The following AUTS2 variants were observed in gnomAD, a reference collection of about 807,000 sequenced individuals.
The protein encoded by AUTS2 is activator of transcription and developmental regulator AUTS2.
Under a neutral mutation model 112.4 loss-of-function variants are expected in AUTS2, and 17 were observed. That is an observed-to-expected ratio of 0.15 (90% confidence interval 0.10 to 0.23). The LOEUF (loss-of-function observed/expected upper bound fraction) is 0.23, where lower values mean the gene tolerates loss of function less well. AUTS2 is among the 10% of genes least tolerant of loss of function. The pLI, the probability that AUTS2 is intolerant of heterozygous loss-of-function variation, is 1.00. For missense variants in AUTS2, 1,510 were observed against 1,701.6 expected, an observed-to-expected ratio of 0.89 and a Z score of 1.98; for synonymous variants, 751 against 702.7, an observed-to-expected ratio of 1.07 and a Z score of -1.09.
intron 5 of AUTS2, among the ~76,000 whole-genome samples, chr7:70,496,690 CCACGT>C (rs1798537636): frequency 1.4e-5 from 2 of 143,084 alleles, no homozygotes; most frequent in African/African-American, 2.6e-5. Context: ...CCCACTCACA[CCACGT>C]ACACAGTCAC....
chr7:70,787,090 C>T (rs1485281244), intron 17 of AUTS2, 119 bp from the exon 18 acceptor site: 4 of 915,538 alleles, frequency 4.4e-6, no homozygotes, highest in East Asian at 2.6e-5. Flanking sequence ...TTCCAGCTCC[C>T]AATAATATGT....
chr7:70,585,984 C>T (rs1802670811), intron 5 of AUTS2, among the ~76,000 whole-genome samples: 1 of 151,930 alleles, frequency 6.6e-6, no homozygotes, highest in African/African-American at 2.4e-5. Flanking sequence ...TGCCTCAGCC[C>T]CCTAAGTAGC....
chr7:70,052,205 A>T (rs1425851127), intron 2 of AUTS2, among the ~76,000 whole-genome samples: 1 of 152,200 alleles, frequency 6.6e-6, no homozygotes, highest in Non-Finnish European at 1.5e-5. Flanking sequence ...AAATCCTAGA[A>T]ATCATTGCCT....
At chr7:69,761,198 C>CG (rs1195510957) in intron 1 of AUTS2, among the ~76,000 whole-genome samples, 1 of 152,176 alleles carries the variant, frequency 6.6e-6, no homozygotes, top group Non-Finnish European at 1.5e-5. Context: ...CTGCCCCGCT[C>CG]TAATAGAGAC....
chr7:69,849,418 G>GTGTAC (rs1792359006), intron 1 of AUTS2, among the ~76,000 whole-genome samples: 1 of 152,070 alleles, frequency 6.6e-6, no homozygotes, highest in African/African-American at 2.4e-5. Context: ...TCTTTGACAT[G>GTGTAC]TGTACATTAT....
At chr7:70,070,469 C>G (rs1802706238) in intron 2 of AUTS2, among the ~76,000 whole-genome samples, 1 of 151,358 alleles carries the variant, frequency 6.6e-6, no homozygotes, top group Non-Finnish European at 1.5e-5. Flanking sequence ...ATTCCAGCTG[C>G]TCTGGAGGCT....
chr7:70,488,648 GGCCAGCCTGAATTGA>G lies in AUTS2; in HGVS notation c.690+52871_690+52885del, dbSNP rs1798114065. The stretch of plus-strand genomic sequence containing the variant: ...TCTCTGGATCTCACTTTTCCTCATG[GGCCAGCCTGAATTGA>G]GCCTCAGGATCGTCCTAGCTCTCAG... On this transcript the variant is annotated intron_variant, in intron 5 of 18. Coordinates refer to ENST00000342771, the MANE Select transcript of AUTS2 (RefSeq NM_015570.4). 8.5e-5 allele frequency among the ~76,000 whole-genome samples: 13 copies of G among 152,048 alleles called. No homozygotes were observed. In the South Asian group the frequency reaches 2.7e-3, roughly 32 times the overall value.
At chr7:70,351,132 C>T (rs985975189) in intron 4 of AUTS2, among the ~76,000 whole-genome samples, 1 of 151,730 alleles carries the variant, frequency 6.6e-6, no homozygotes, top group Non-Finnish European at 1.5e-5. Flanking sequence ...CTCACTGCAA[C>T]CTCCGCCTTC....
At chr7:69,814,847 C>T (rs187326826) in intron 1 of AUTS2, among the ~76,000 whole-genome samples, 45 of 152,328 alleles carry the variant, frequency 3.0e-4, no homozygotes, top group African/African-American at 1.1e-3. Context: ...AAGAATGCTC[C>T]GCCCTTGACA....
At chr7:70,614,314 C>A (rs1191263543) in intron 5 of AUTS2, among the ~76,000 whole-genome samples, 1 of 151,970 alleles carries the variant, frequency 6.6e-6, no homozygotes, top group Admixed American at 6.6e-5. Flanking sequence ...AAGTGGGGAC[C>A]AACATCATTT....
intron 2 of AUTS2, among the ~76,000 whole-genome samples, chr7:69,925,971 T>G (rs1795991686): frequency 6.6e-6 from 1 of 152,226 alleles, no homozygotes; most frequent in Non-Finnish European, 1.5e-5. Context: ...GGCAACATAG[T>G]GAGACCTTGT....
At chr7:69,709,358 C>G (rs1290993939) in intron 1 of AUTS2, among the ~76,000 whole-genome samples, 11 of 152,120 alleles carry the variant, frequency 7.2e-5, no homozygotes, top group African/African-American at 2.7e-4. Flanking sequence ...ACCACTGGTG[C>G]TGCTATCTAG....
chr7:69,955,795 A>G (rs1035301121), intron 2 of AUTS2, among the ~76,000 whole-genome samples: 1 of 152,126 alleles, frequency 6.6e-6, no homozygotes, highest in Admixed American at 6.6e-5. Flanking sequence ...TGGATTGGCC[A>G]CTGTGGGACT....
chr7:69,798,226 G>A (rs1463153492), intron 1 of AUTS2, among the ~76,000 whole-genome samples: 1 of 152,086 alleles, frequency 6.6e-6, no homozygotes, highest in African/African-American at 2.4e-5. Context: ...ACTGTAGTGT[G>A]TTTGTGCTGG....
chr7:69,717,500 A>G lies in AUTS2; in HGVS notation c.309+117538A>G, dbSNP rs150569598. 1.3e-3 allele frequency among the ~76,000 whole-genome samples: 199 copies of G among 152,308 alleles called. 2 individuals are homozygous for G. Among genetic ancestry groups the G allele is most frequent in the African/African-American group, 4.6e-3 (190 of 41,558 alleles). ...CAGGCACAGAGCCACAGCTGACCATAACTCTTAGGGGAAATGAGGACAGAA... is the reference window on the plus strand; with the variant it reads ...CAGGCACAGAGCCACAGCTGACCATGACTCTTAGGGGAAATGAGGACAGAA... On this transcript the variant is annotated intron_variant, in intron 1 of 18. Transcript: ENST00000342771.
chr7:69,921,730 G>A (rs1235182745), intron 2 of AUTS2, among the ~76,000 whole-genome samples: 1 of 139,230 alleles, frequency 7.2e-6, no homozygotes, highest in Non-Finnish European at 1.5e-5. Context: ...CCACTGCACT[G>A]TAGCCTGTGC....
chr7:69,888,567 A>ATG (rs1311705903), intron 1 of AUTS2, among the ~76,000 whole-genome samples: 1 of 136,340 alleles, frequency 7.3e-6, no homozygotes, highest in African/African-American at 2.7e-5. Context: ...ATATATATAT[A>ATG]TATATGTATG....
In AUTS2 at chr7:70,448,706, G is replaced by A. The variant is rs1002172209; in HGVS notation, c.690+12925G>A. Among the ~76,000 whole-genome samples the A allele has an allele frequency of 3.3e-5, 5 of 152,190 alleles. No individual in the cohort carries two copies. The East Asian group carries it at 5.8e-4, about 18-fold the overall frequency. On this transcript the variant is annotated intron_variant, in intron 5 of 18. Coordinates refer to ENST00000342771, the MANE Select transcript of AUTS2 (RefSeq NM_015570.4). The stretch of plus-strand genomic sequence containing the variant: ...CATATGTGGATTATTTAGTTGGTGC[G>A]TTTAAGTAAGTTACACTTGCACCCT...
chr7:70,585,859 TGTATGTATATATGTATG>T (rs200150068), intron 5 of AUTS2, among the ~76,000 whole-genome samples: 341 of 884 alleles, frequency 0.39, 12 homozygotes, highest in East Asian at 0.51. Context: ...TATTTATTTA[TGTATGTATATATGTATG>T]TTTTGAGACA....
Sources: allele counts gnomAD v4.1 joint callset (sites outside exome capture counted in the v4.1 genomes callset), GRCh38; gene constraint gnomAD v4.1.1; transcripts MANE v1.5; gene names NCBI Gene and HGNC (gene_info 2026-07-23, HGNC 2026-07-21).